NRCAM: variants seen among roughly 807,000 people sequenced by gnomAD.
NRCAM encodes the protein neuronal cell adhesion molecule.
Under a neutral mutation model 156.5 loss-of-function variants are expected in NRCAM, and 83 were observed. The observed-to-expected ratio is 0.53, with a 90% CI of 0.44 to 0.64. NRCAM has a LOEUF of 0.64. NRCAM is among the 30% of genes least tolerant of loss of function. The pLI is 0.00. For synonymous variants in NRCAM, 538 were observed against 563.9 expected, an observed-to-expected ratio of 0.95 and a Z score of 0.65; for missense variants, 1,417 against 1,597.3, an observed-to-expected ratio of 0.89 and a Z score of 1.92.
At chr7:108,337,264 GAA>G (rs36065099) in intron 2 of NRCAM, among the ~76,000 whole-genome samples, 16 of 124,782 alleles carry the variant, frequency 1.3e-4, no homozygotes, top group South Asian at 5.2e-4. Context: ...CTTCATCTCA[GAA>G]AAAAAAAAAA....
intron 3 of NRCAM, among the ~76,000 whole-genome samples, chr7:108,283,073 CAAAGTT>C (rs57947861): frequency 0.89 from 134,773 of 151,736 alleles, 59,975 homozygotes; most frequent in African/African-American, 0.92. Flanking sequence ...TTTCTGTAAT[CAAAGTT>C]AAAACTGTCT....
At chr7:108,389,573 G>A (rs755064131) in intron 2 of NRCAM, among the ~76,000 whole-genome samples, 1 of 151,920 alleles carries the variant, frequency 6.6e-6, no homozygotes, top group Admixed American at 6.6e-5. Flanking sequence ...ATTGCCCTGG[G>A]CAGAACTTCC....
At chr7:108,225,246 T>C (rs1376140011) in intron 10 of NRCAM, among the ~76,000 whole-genome samples, 2 of 152,214 alleles carry the variant, frequency 1.3e-5, no homozygotes, top group Non-Finnish European at 2.9e-5. Flanking sequence ...ATCCCCTTAA[T>C]GTTAGTTGCT....
chr7:108,326,111 T>C (rs939085490), intron 2 of NRCAM, among the ~76,000 whole-genome samples: 9 of 152,180 alleles, frequency 5.9e-5, no homozygotes, highest in African/African-American at 2.2e-4. Flanking sequence ...AACTAATAAA[T>C]GTTAATTTAA....
chr7:108,328,845 TG>T (rs1362803268), intron 2 of NRCAM, among the ~76,000 whole-genome samples: 1 of 152,186 alleles, frequency 6.6e-6, no homozygotes, highest in Non-Finnish European at 1.5e-5. Flanking sequence ...TTTTAAATCT[TG>T]TACTAACTCA....
At chr7:108,275,074 C>G (rs915251136) in intron 3 of NRCAM, among the ~76,000 whole-genome samples, 4 of 152,180 alleles carry the variant, frequency 2.6e-5, no homozygotes, top group African/African-American at 9.7e-5. Flanking sequence ...AGCCTTGCAT[C>G]CCAGGGATGA....
rs1253746797 is a variant in NRCAM at position 108,408,968 on chromosome 7, T to G, written c.-331-9375A>C. On this transcript the variant is annotated intron_variant, in intron 1 of 32. Coordinates refer to ENST00000379028, the MANE Select transcript of NRCAM (RefSeq NM_001037132.4). ...TCCACAAGGCATTGCAAAATGAAAT[T>G]AGGTGAATGGAGCCCTTAAGCTGGG... is the stretch of plus-strand genomic sequence containing the variant. 3.3e-5 allele frequency among the ~76,000 whole-genome samples: 5 copies of G among 152,216 alleles called. No homozygotes were observed. The South Asian group carries it at 6.2e-4, about 19-fold the overall frequency.
intron 5 of NRCAM, 52 bp from the exon 6 acceptor site, chr7:108,234,740 A>G: frequency 8.1e-7 from 1 of 1,233,934 alleles, no homozygotes; most frequent in South Asian, 1.2e-5. Flanking sequence ...TAAAATCATA[A>G]TAGTAGCCAT....
At chr7:108,169,467 T>C (rs1283541255) in intron 28 of NRCAM, among the ~76,000 whole-genome samples, 1 of 152,208 alleles carries the variant, frequency 6.6e-6, no homozygotes, top group Non-Finnish European at 1.5e-5. Flanking sequence ...GATATGTTTA[T>C]AAAATGTAGA....
intron 3 of NRCAM, among the ~76,000 whole-genome samples, chr7:108,307,929 A>G (rs777842663): frequency 1.4e-4 from 21 of 152,310 alleles, no homozygotes; most frequent in Middle Eastern, 3.4e-3. Flanking sequence ...ACACATGTCT[A>G]CCTTTGTATA....
intron 1 of NRCAM, among the ~76,000 whole-genome samples, chr7:108,445,380 A>T (rs994016540): frequency 5.3e-5 from 8 of 152,220 alleles, no homozygotes; most frequent in Non-Finnish European, 1.2e-4. Context: ...TGCAGCATCA[A>T]CAAGGGTATC....
At chr7:108,418,066 A>G (rs1803970815) in intron 1 of NRCAM, among the ~76,000 whole-genome samples, 1 of 152,134 alleles carries the variant, frequency 6.6e-6, no homozygotes, top group African/African-American at 2.4e-5. Flanking sequence ...CTCTTACATC[A>G]TGCCCACAGA....
chr7:108,200,737 T>TAC (rs61489479), intron 13 of NRCAM, among the ~76,000 whole-genome samples: 5,477 of 134,964 alleles, frequency 0.041, 136 homozygotes, highest in Admixed American at 0.056. Context: ...GATAAAGAAA[T>TAC]ACACACACAC....
chr7:108,361,991 T>C (rs2099555149), intron 2 of NRCAM, among the ~76,000 whole-genome samples: 1 of 152,164 alleles, frequency 6.6e-6, no homozygotes, highest in South Asian at 2.1e-4. Flanking sequence ...TATGTCAACA[T>C]AAAAACCTGC....
chr7:108,394,902 T>G (rs2099772575), intron 2 of NRCAM, among the ~76,000 whole-genome samples: 1 of 152,184 alleles, frequency 6.6e-6, no homozygotes, highest in Non-Finnish European at 1.5e-5. Context: ...ATACTACTGA[T>G]TGTGAAGAGG....
rs762586633 is a variant in NRCAM, at chr7:108,359,783, A to G, written c.-174+39653T>C. 2.4e-4 allele frequency among the ~76,000 whole-genome samples: 36 copies of G among 152,292 alleles called. 1 individual carries two copies. The highest frequency in any genetic ancestry group is 4.7e-4 in the Non-Finnish European group (32 of 68,008). On this transcript the variant is annotated intron_variant, in intron 2 of 32. Coordinates refer to ENST00000379028, the MANE Select transcript of NRCAM (RefSeq NM_001037132.4). ...TGTCCAGTTTGATGAGCTGTGACAAATGTCTGTTACCATGTAGCTCCAATC... is the reference window on the plus strand; with the variant it reads ...TGTCCAGTTTGATGAGCTGTGACAAGTGTCTGTTACCATGTAGCTCCAATC...
intron 1 of NRCAM, among the ~76,000 whole-genome samples, chr7:108,455,189 C>T (rs1235884894): frequency 6.6e-6 from 1 of 152,160 alleles, no homozygotes; most frequent in Non-Finnish European, 1.5e-5. Flanking sequence ...CCTTGCTCAC[C>T]CTACTGCGAC....
intron 2 of NRCAM, among the ~76,000 whole-genome samples, chr7:108,319,947 G>A (rs1049911478): frequency 6.6e-6 from 1 of 152,156 alleles, no homozygotes; most frequent in Non-Finnish European, 1.5e-5. Flanking sequence ...GCTGAGGGTG[G>A]AAGAGGAATG....
chr7:108,292,994 T>C (rs1219378207), intron 3 of NRCAM, among the ~76,000 whole-genome samples: 2 of 152,198 alleles, frequency 1.3e-5, no homozygotes, highest in African/African-American at 2.4e-5. Flanking sequence ...CTAAAATCCA[T>C]TTACAAGTTA....
Sources: gnomAD v4.1 joint callset for allele counts (sites outside exome capture counted in the v4.1 genomes callset) on GRCh38, gnomAD v4.1.1 for gene constraint, MANE v1.5 for transcripts, NCBI Gene and HGNC (gene_info 2026-07-23, HGNC 2026-07-21) for gene names.